Variants in FSCN1 observed in about 807,000 individuals in gnomAD.
The protein encoded by FSCN1 is fascin.
Under a neutral mutation model 39.7 loss-of-function variants are expected in FSCN1, and 10 were observed. The observed-to-expected ratio is 0.25, with a 90% confidence interval of 0.16 to 0.43. FSCN1 has a LOEUF of 0.43. Ranked by LOEUF, FSCN1 falls within the 20% of genes least tolerant of loss-of-function variation. FSCN1 has a pLI of 1.00. For missense variants in FSCN1, 525 were observed against 723.8 expected (o/e 0.73, Z 3.15); for synonymous variants, 322 against 320.0 (o/e 1.01, Z -0.07).
At position 5,599,947 on chromosome 7, in the gene FSCN1, G is replaced by C. The variant is rs1304831207; in HGVS notation, c.833-3310G>C. Among the ~76,000 whole-genome samples the C allele has an allele frequency of 6.6e-6, 1 of 152,192 alleles. No homozygotes were observed. Among genetic ancestry groups the C allele is most frequent in the Non-Finnish European group, 1.5e-5 (1 of 68,034 alleles). On this transcript the variant is annotated intron_variant, in intron 1 of 4. Coordinates refer to ENST00000382361, the MANE Select transcript of FSCN1 (RefSeq NM_003088.4). The surrounding 1 kb of genome is among the most constrained non-coding windows in gnomAD (Gnocchi z 5.6). ...GGTGCCCAAACGAAGACACTCTCCA[G>C]CTCTGAGCCAGGCACCCATACAGAG...
Position 5,593,740 on chromosome 7 carries a change from C to T in FSCN1, c.804C>T (p.Ala268=), listed in dbSNP as rs1234035915. Residue 268 remains alanine (A), a synonymous_variant, in exon 1 of 5, where the codon GCC becomes GCT. Coordinates refer to ENST00000382361, the MANE Select transcript of FSCN1 (RefSeq NM_003088.4). ...QSCAQVVLQA[A]NERNVSTRQG... ...GCGCCCAGGTCGTGCTGCAGGCGGC[C>T]AACGAGAGGAACGTGTCCACGCGCC... 1.9e-6 allele frequency: 3 copies of T among 1,589,286 alleles called. No homozygotes were observed. Among genetic ancestry groups the T allele is most frequent in the Non-Finnish European group, 2.6e-6 (3 of 1,174,646 alleles).
rs1210246493 is a variant in FSCN1 at position 5,593,111 on chromosome 7, G to A, written c.175G>A (p.Ala59Thr). 2.5e-6 allele frequency: 4 copies of A among 1,604,884 alleles called. No homozygotes were observed. Among genetic ancestry groups the A allele is most frequent in the Non-Finnish European group, 3.4e-6 (4 of 1,177,126 alleles). ...EQPPDEAGSA[A>T]VCLRSHLGRY... is the part of the protein sequence containing the mutation. ...GCCCCCTGACGAGGCGGGCAGCGCG[G>A]CCGTGTGCCTGCGCAGCCACCTGGG... The change falls in exon 1 of 5, where the codon GCC becomes ACC. Residue 59 changes from alanine (A) to threonine (T), a missense_variant. Coordinates refer to ENST00000382361, the MANE Select transcript of FSCN1 (RefSeq NM_003088.4).
In FSCN1 at chr7:5,602,601, C is replaced by T. The variant is rs1237603276; in HGVS notation, c.833-656C>T. Among the ~76,000 whole-genome samples the T allele has an allele frequency of 2.6e-5, 4 of 152,212 alleles. No homozygotes were observed. In the East Asian group the frequency reaches 5.8e-4, roughly 22 times the overall value. ...AGGCCATTTTCTTATGTAACCACAA[C>T]GTGATCAACAGTAATCAATGCTTAA... On this transcript the variant is annotated intron_variant, in intron 1 of 4. Transcript: ENST00000382361.
In FSCN1 at chr7:5,603,157, G is replaced by A. The variant is rs1305356150; in HGVS notation, c.833-100G>A. 75 of 1,374,074 alleles carry A rather than the reference G, an allele frequency of 5.5e-5. No individual in the cohort carries two copies. Among genetic ancestry groups the A allele is most frequent in the Non-Finnish European group, 7.5e-5 (74 of 991,534 alleles). 85.1% of individuals were successfully genotyped at this position (1,374,074 alleles called of 1,614,324 possible). ...ACTCGGCCGCCCACCCCACCCCGTGGTGTTACCTTGCGTGTGTAGTTCTGT... is the reference window on the plus strand; with the variant it reads ...ACTCGGCCGCCCACCCCACCCCGTGATGTTACCTTGCGTGTGTAGTTCTGT... On this transcript the variant is annotated intron_variant, in intron 1 of 4. Transcript: ENST00000382361. This position sits in a 1 kb window ranked among gnomAD's most constrained non-coding sequence, Gnocchi z 8.5.
Position 5,603,359 on chromosome 7 carries a change from G to C in FSCN1, c.935G>C (p.Gly312Ala). Residue 312 changes from glycine (G) to alanine (A), a missense_variant, in exon 2 of 5, where the codon GGC (glycine) becomes GCC (alanine). Gly to Ala is a moderately conservative substitution (Grantham distance 60). This residue lies in a region of FSCN1 where 275 missense variants were observed against 351.9 expected (regional missense o/e 0.78). Transcript: ENST00000382361. The surrounding 1 kb of genome is among the most constrained non-coding windows in gnomAD (Gnocchi z 8.5). Reference sequence around the variant, plus strand: ...AAGTGTGCCTTCCGTACCCACACGGGCAAGTACTGGACGCTGACGGCCACC... The same window carrying C: ...AAGTGTGCCTTCCGTACCCACACGGCCAAGTACTGGACGCTGACGGCCACC... Reference protein sequence around the residue: ...TKKCAFRTHTGKYWTLTATGG... With the variant: ...TKKCAFRTHTAKYWTLTATGG... 6.2e-7 allele frequency: 1 copy of C among 1,613,694 alleles called. No homozygotes were observed.
At position 5,593,746 on chromosome 7, in the gene FSCN1, G is replaced by A; in HGVS notation, c.810G>A (p.Glu270=). The A allele has an allele frequency of 6.3e-7, 1 of 1,587,674 alleles. No homozygotes were observed. The highest frequency in any genetic ancestry group is 8.5e-7 in the Non-Finnish European group (1 of 1,173,894). Reference sequence around the variant, plus strand: ...AGGTCGTGCTGCAGGCGGCCAACGAGAGGAACGTGTCCACGCGCCAGGGTG... The same window carrying A: ...AGGTCGTGCTGCAGGCGGCCAACGAAAGGAACGTGTCCACGCGCCAGGGTG... The part of the protein sequence containing the change: ...CAQVVLQAAN[E]RNVSTRQGMD... The change falls in exon 1 of 5, where the codon GAG becomes GAA. Residue 270 remains glutamate (E), a synonymous_variant. Transcript: ENST00000382361.
rs1785924182 is a variant in FSCN1, at chr7:5,605,818, G to T, written c.*344G>T. 1 of 226,524 alleles carries T rather than the reference G, an allele frequency of 4.4e-6. No individual in the cohort carries two copies. Among genetic ancestry groups the T allele is most frequent in the African/African-American group, 2.3e-5 (1 of 43,956 alleles). 14.0% of individuals were successfully genotyped at this position (226,524 alleles called of 1,614,324 possible). A position where few individuals can be genotyped will look rare whatever the true frequency, so the allele number is the denominator to read the frequency against. ...ATTTCTCTGGAAGCGGCTAAGGGAC[G>T]GTTGGGGGCTGGGAGCCCTGGGCGT... On this transcript the variant is annotated 3_prime_UTR_variant, in exon 5 of 5. Coordinates refer to ENST00000382361, the MANE Select transcript of FSCN1 (RefSeq NM_003088.4). The surrounding 1 kb of genome is among the most constrained non-coding windows in gnomAD (Gnocchi z 6.9).
In FSCN1 at chr7:5,605,506, A is replaced by G. The variant is rs755554618; in HGVS notation, c.*32A>G. ...CCCGTCCTTCCCCGCCCCTGCCCAC[A>G]TGGCGGCTCCTGCCAACCCTCCCTG... On this transcript the variant is annotated 3_prime_UTR_variant, in exon 5 of 5. Transcript: ENST00000382361. The surrounding 1 kb of genome is among the most constrained non-coding windows in gnomAD (Gnocchi z 6.9). 51 of 1,466,294 alleles carry G rather than the reference A, an allele frequency of 3.5e-5. No individual in the cohort carries two copies. The highest frequency in any genetic ancestry group is 7.4e-5 in the East Asian group (3 of 40,400). The allele number at this position is 1,466,294 out of a possible 1,614,324, so 90.8% of individuals were successfully genotyped here. A position where few individuals can be genotyped will look rare whatever the true frequency, so the allele number is the denominator to read the frequency against.
At position 5,603,586 on chromosome 7, in the gene FSCN1, T is replaced by C; in HGVS notation, c.1080T>C (p.Asn360=). 6.2e-7 allele frequency: 1 copy of C among 1,614,004 alleles called. No homozygotes were observed. The highest frequency in any genetic ancestry group is 8.5e-7 in the Non-Finnish European group (1 of 1,180,000). ...SNGKFVTSKK[N]GQLAASVETA... ...GCAAGTTTGTGACCTCCAAGAAGAA[T>C]GGGCAGCTGGCCGCCTCGGTGGAGA... The change falls in exon 3 of 5, where the codon AAT becomes AAC. Residue 360 remains asparagine, a synonymous_variant. Coordinates refer to ENST00000382361, the MANE Select transcript of FSCN1 (RefSeq NM_003088.4). The surrounding 1 kb of genome is among the most constrained non-coding windows in gnomAD (Gnocchi z 8.5).
Position 5,593,170 on chromosome 7 carries a change from G to A in FSCN1, c.234G>A (p.Val78=). Residue 78 remains valine, a synonymous_variant, in exon 1 of 5, where the codon GTG becomes GTA. Transcript: ENST00000382361. The stretch of plus-strand genomic sequence containing the variant: ...TGGCGGCGGACAAGGACGGCAACGT[G>A]ACCTGCGAGCGCGAGGTGCCCGGTC... ...RYLAADKDGN[V]TCEREVPGPD... is the part of the protein sequence containing the mutation. 1.2e-6 allele frequency: 2 copies of A among 1,603,502 alleles called. No individual in the cohort carries two copies. Among genetic ancestry groups the A allele is most frequent in the Non-Finnish European group, 1.7e-6 (2 of 1,176,248 alleles).
In FSCN1 at chr7:5,603,669, T is replaced by C. The variant is rs751215431; in HGVS notation, c.1111+52T>C. 11 of 1,611,270 alleles carry C rather than the reference T, an allele frequency of 6.8e-6. No individual in the cohort carries two copies. Among genetic ancestry groups the C allele is most frequent in the Non-Finnish European group, 9.3e-6 (11 of 1,178,386 alleles). On this transcript the variant is annotated intron_variant, in intron 3 of 4. Transcript: ENST00000382361. The surrounding 1 kb of genome is among the most constrained non-coding windows in gnomAD (Gnocchi z 8.5). ...AGCCGTCCTGGAGTCCTGGAGGGTC[T>C]GGCCATGCCGTGGTCACTTGGTAGC...
Position 5,605,706 on chromosome 7 carries a change from G to C in FSCN1, c.*232G>C. The C allele has an allele frequency of 1.9e-6, 1 of 535,314 alleles. No individual in the cohort carries two copies. Among genetic ancestry groups the C allele is most frequent in the Admixed American group, 3.4e-5 (1 of 29,586 alleles). The allele number at this position is 535,314 out of a possible 1,614,324, so 33.2% of individuals were successfully genotyped here. ...GTCAGCGGCTGCGGCCTGGCCCTGG[G>C]AGGGATTTCAGATGCCCCTGCCCTC... On this transcript the variant is annotated 3_prime_UTR_variant, in exon 5 of 5. Transcript: ENST00000382361. This position sits in a 1 kb window ranked among gnomAD's most constrained non-coding sequence, Gnocchi z 6.9.
At chr7:5,601,262 G>A (rs1785825943) in intron 1 of FSCN1, among the ~76,000 whole-genome samples, 1 of 145,874 alleles carries the variant, frequency 6.9e-6, no homozygotes, top group Non-Finnish European at 1.5e-5. Context: ...GAGTGCAGTG[G>A]TGCAATCTCA....
At chr7:5,600,557 T>C (rs1265625203) in intron 1 of FSCN1, among the ~76,000 whole-genome samples, 1 of 150,544 alleles carries the variant, frequency 6.6e-6, no homozygotes, top group African/African-American at 2.5e-5. Flanking sequence ...CAGTGGCGGA[T>C]CTCAGCTCAC....
At position 5,603,436 on chromosome 7, in the gene FSCN1, T is replaced by A. The variant is rs771836243; in HGVS notation, c.989+23T>A. ...CAAGTGAGTGCCTCGCTCCCACCTG[T>A]CACCGCCCCCACCACCTTGCCTGGG... On this transcript the variant is annotated intron_variant, in intron 2 of 4. Coordinates refer to ENST00000382361, the MANE Select transcript of FSCN1 (RefSeq NM_003088.4). This position sits in a 1 kb window ranked among gnomAD's most constrained non-coding sequence, Gnocchi z 8.5. 9.9e-6 allele frequency: 16 copies of A among 1,613,628 alleles called. No homozygotes were observed. Among genetic ancestry groups the A allele is most frequent in the Non-Finnish European group, 1.4e-5 (16 of 1,179,950 alleles).
At position 5,593,105 on chromosome 7, in the gene FSCN1, A is replaced by G. The variant is rs1318508316; in HGVS notation, c.169A>G (p.Ser57Gly). The change falls in exon 1 of 5, where the codon AGC becomes GGC. Residue 57 changes from serine (S) to glycine (G), a missense_variant. Transcript: ENST00000382361. ...GGAGCAGCCCCCTGACGAGGCGGGC[A>G]GCGCGGCCGTGTGCCTGCGCAGCCA... ...TLEQPPDEAGSAAVCLRSHLG... is the reference protein window; with the variant it reads ...TLEQPPDEAGGAAVCLRSHLG... The G allele has an allele frequency of 1.2e-6, 2 of 1,605,058 alleles. No individual in the cohort carries two copies.
At position 5,605,529 on chromosome 7, in the gene FSCN1, C is replaced by T; in HGVS notation, c.*55C>T. 1 of 1,290,760 alleles carries T rather than the reference C, an allele frequency of 7.7e-7. No individual in the cohort carries two copies. Among genetic ancestry groups the T allele is most frequent in the East Asian group, 2.5e-5 (1 of 39,418 alleles). 80.0% of individuals were successfully genotyped at this position (1,290,760 alleles called of 1,614,324 possible). On this transcript the variant is annotated 3_prime_UTR_variant, in exon 5 of 5. Transcript: ENST00000382361. The surrounding 1 kb of genome is among the most constrained non-coding windows in gnomAD (Gnocchi z 6.9). ...ACATGGCGGCTCCTGCCAACCCTCC[C>T]TGCTAACCCCTTCTCCGCCAGGTGG... is the stretch of plus-strand genomic sequence containing the variant.
intron 1 of FSCN1, among the ~76,000 whole-genome samples, chr7:5,597,547 A>G (rs1207130792): frequency 2.0e-5 from 3 of 150,320 alleles, no homozygotes; most frequent in Non-Finnish European, 3.0e-5. Flanking sequence ...CATGCCTGTA[A>G]TCCCAGCTAC....
rs1785793611 is a variant in FSCN1 at position 5,599,741 on chromosome 7, G to T, written c.833-3516G>T. Among the ~76,000 whole-genome samples, 1 of 152,104 alleles carries T rather than the reference G, an allele frequency of 6.6e-6. No homozygotes were observed. Among genetic ancestry groups the T allele is most frequent in the Non-Finnish European group, 1.5e-5 (1 of 68,002 alleles). Reference sequence around the variant, plus strand: ...GGATCCTTTGAGCCCAGGAGGTGGAGGCTGTAGAGAGCCATGCTTGGGCCA... The same window carrying T: ...GGATCCTTTGAGCCCAGGAGGTGGATGCTGTAGAGAGCCATGCTTGGGCCA... On this transcript the variant is annotated intron_variant, in intron 1 of 4. Transcript: ENST00000382361. The surrounding 1 kb of genome is among the most constrained non-coding windows in gnomAD (Gnocchi z 5.6).
Sources: gnomAD v4.1 joint callset for allele counts (sites outside exome capture counted in the v4.1 genomes callset) on GRCh38, gnomAD v4.1.1 for gene constraint, gnomAD v4.1.1 regional missense constraint, Gnocchi (gnomAD v3.1) non-coding constraint, MANE v1.5 for transcripts, NCBI Gene and HGNC (gene_info 2026-07-23, HGNC 2026-07-21) for gene names.